The following PLCE1 variants were observed in gnomAD, a reference collection of about 807,000 sequenced individuals.
PLCE1 encodes phospholipase C epsilon 1.
A neutral mutation model predicts 242.8 loss-of-function variants in PLCE1; 119 were observed. The ratio of observed to expected loss-of-function variants is 0.49; its 90% confidence interval spans 0.42 to 0.57. The LOEUF (loss-of-function observed/expected upper bound fraction) is 0.57, where lower values mean the gene tolerates loss of function less well. Ranked by LOEUF, PLCE1 falls within the 20% of genes least tolerant of loss-of-function variation. The probability of loss-of-function intolerance (pLI) is 0.00; values close to 1 mark genes in which losing one functional copy is unlikely to be tolerated. For synonymous variants in PLCE1, 945 were observed against 1,017.4 expected, an observed-to-expected ratio of 0.93 and a Z score of 1.35; for missense variants, 2,441 against 2,788.8, an observed-to-expected ratio of 0.88 and a Z score of 2.81.
chr10:94,268,936 T>A lies in PLCE1; in HGVS notation c.4289T>A (p.Leu1430Ter), dbSNP rs760903665. 1 of 1,608,034 alleles carries A rather than the reference T, an allele frequency of 6.2e-7. No homozygotes were observed. The highest frequency in any genetic ancestry group is 8.5e-7 in the Non-Finnish European group (1 of 1,174,668). ...SSVELYSQVL[L>*]QGCRSVELDC... ...CGCTCATTGATCACACAGGTCCTTTTGCAAGGCTGTCGAAGTGTAGAATTG... is the reference window on the plus strand; with the variant it reads ...CGCTCATTGATCACACAGGTCCTTTAGCAAGGCTGTCGAAGTGTAGAATTG... The change falls in exon 17 of 33, where the codon TTG (leucine) becomes TAG (stop). Residue 1430 changes from leucine to a stop codon, truncating the protein, a stop_gained. Transcript: ENST00000371380. LOFTEE classifies it high-confidence loss of function.
chr10:94,054,306 C>T (rs958981988), intron 2 of PLCE1, among the ~76,000 whole-genome samples: 17 of 152,180 alleles, frequency 1.1e-4, no homozygotes, highest in African/African-American at 3.9e-4. Context: ...ACCATATTTC[C>T]AGACTCCCTT....
At chr10:94,133,742 G>A (rs1234951675) in intron 3 of PLCE1, among the ~76,000 whole-genome samples, 1 of 152,138 alleles carries the variant, frequency 6.6e-6, no homozygotes, top group Non-Finnish European at 1.5e-5. Context: ...AATAACAGAA[G>A]GTGTGGGAAC....
At position 94,259,095 on chromosome 10, in the gene PLCE1, A is replaced by G. The variant is rs1382385987; in HGVS notation, c.3759A>G (p.Pro1253=). ...PCNRSGSESA[P]LYTNLTIDEN... is the part of the protein sequence containing the mutation. Reference sequence around the variant, plus strand: ...ACCGATCTGGCTCCGAGTCAGCCCCACTCTACACCAACCTGACAATTGATG... The same window carrying G: ...ACCGATCTGGCTCCGAGTCAGCCCCGCTCTACACCAACCTGACAATTGATG... Residue 1253 remains proline, a synonymous_variant, in exon 13 of 33, where the codon CCA becomes CCG. Transcript: ENST00000371380. The G allele has an allele frequency of 1.2e-6, 2 of 1,613,698 alleles. No homozygotes were observed. Among genetic ancestry groups the G allele is most frequent in the South Asian group, 1.1e-5 (1 of 91,044 alleles).
intron 29 of PLCE1, among the ~76,000 whole-genome samples, chr10:94,319,552 G>C (rs963326791): frequency 6.6e-6 from 1 of 152,064 alleles, no homozygotes; most frequent in Non-Finnish European, 1.5e-5. Flanking sequence ...ACATCTTCCT[G>C]TGGTCAATGT....
At chr10:94,308,247 A>T (rs553164069) in intron 26 of PLCE1, among the ~76,000 whole-genome samples, 1 of 152,360 alleles carries the variant, frequency 6.6e-6, no homozygotes, top group African/African-American at 2.4e-5. Context: ...AAGCTGCTCT[A>T]AGATGGAACA....
chr10:94,189,025 T>C (rs1281896197), intron 4 of PLCE1, among the ~76,000 whole-genome samples: 1 of 150,570 alleles, frequency 6.6e-6, no homozygotes, highest in East Asian at 1.9e-4. Context: ...AAAAAAAAAT[T>C]TGTGGTCCAG....
intron 5 of PLCE1, among the ~76,000 whole-genome samples, chr10:94,233,508 C>T (rs1446418732): frequency 1.3e-5 from 2 of 152,206 alleles, no homozygotes; most frequent in Non-Finnish European, 2.9e-5. Context: ...ACATTCAGTG[C>T]CCAGCTTCCA....
intron 1 of PLCE1, among the ~76,000 whole-genome samples, chr10:94,028,390 A>G (rs1184152576): frequency 6.6e-6 from 1 of 152,130 alleles, no homozygotes; most frequent in Non-Finnish European, 1.5e-5. Context: ...TTCTTACAAT[A>G]TGGCAGCAGA....
chr10:94,258,705 C>T (rs574954038), intron 11 of PLCE1, 95 bp from the exon 12 acceptor site: 1 of 1,460,106 alleles, frequency 6.8e-7, no homozygotes, highest in African/African-American at 1.4e-5. Context: ...TGCACTCATC[C>T]TTTTGCTCAT....
At chr10:94,152,881 T>C (rs2047316951) in intron 3 of PLCE1, among the ~76,000 whole-genome samples, 1 of 152,172 alleles carries the variant, frequency 6.6e-6, no homozygotes, top group African/African-American at 2.4e-5. Context: ...ATTTCTGCAA[T>C]AGTATGTTCA....
At chr10:94,244,479 G>A (rs912593490) in intron 7 of PLCE1, among the ~76,000 whole-genome samples, 2 of 152,192 alleles carry the variant, frequency 1.3e-5, no homozygotes, top group African/African-American at 4.8e-5. Flanking sequence ...TAAGAAAGAA[G>A]CAATCGCTTG....
intron 2 of PLCE1, among the ~76,000 whole-genome samples, chr10:94,045,317 G>A (rs1264787811): frequency 6.6e-6 from 1 of 151,936 alleles, no homozygotes; most frequent in Non-Finnish European, 1.5e-5. Context: ...TATATTTTTT[G>A]TAGAGGTAGG....
Position 94,141,673 on chromosome 10 carries a change from GAAAGAAA to G in PLCE1, c.1492+9215_1492+9221del, listed in dbSNP as rs1224946384. Among the ~76,000 whole-genome samples the G allele has an allele frequency of 1.1e-3, 46 of 43,340 alleles. 8 individuals carry two copies. Among genetic ancestry groups the G allele is most frequent in the Admixed American group, 4.0e-3 (21 of 5,246 alleles). The allele number at this position is 43,340 out of a possible 152,430, so 28.4% of individuals were successfully genotyped here. On this transcript the variant is annotated intron_variant, in intron 3 of 32. Transcript: ENST00000371380. The stretch of plus-strand genomic sequence containing the variant: ...GGAAAGAAGAAAGGGAGGGAGGGAG[GAAAGAAA>G]GAAGGAAGGGAGGGAGAGAAGGAAG...
chr10:94,325,138 GCTTAA>G lies in PLCE1; in HGVS notation c.*24+40_*24+44del, dbSNP rs1396479402. On this transcript the variant is annotated intron_variant, in intron 32 of 32. Coordinates refer to ENST00000371380, the MANE Select transcript of PLCE1 (RefSeq NM_016341.4). ...AGTCATTGCACCATCCTGGAACAGGGCTTAACTTAAACTACTTTGTAAGGAAGGCA... is the reference window on the plus strand; with the variant it reads ...AGTCATTGCACCATCCTGGAACAGGGCTTAAACTACTTTGTAAGGAAGGCA... The G allele has an allele frequency of 9.6e-6, 14 of 1,454,880 alleles. No homozygotes were observed. In the East Asian group the frequency reaches 1.4e-4, roughly 14 times the overall value. The allele number at this position is 1,454,880 out of a possible 1,614,324, so 90.1% of individuals were successfully genotyped here.
rs535674055 is a variant in PLCE1, at chr10:94,297,289, A to G, written c.5168-1090A>G. Among the ~76,000 whole-genome samples, 5 of 152,236 alleles carry G rather than the reference A, an allele frequency of 3.3e-5. No individual in the cohort carries two copies. In the South Asian group the frequency reaches 8.3e-4, roughly 25 times the overall value. On this transcript the variant is annotated intron_variant, in intron 23 of 32. Transcript: ENST00000371380. ...GTTGTGTCTCAGGGAATCGTGAGGCACAAGGAGAGGGAGGGAGATGGGTGA... is the reference window on the plus strand; with the variant it reads ...GTTGTGTCTCAGGGAATCGTGAGGCGCAAGGAGAGGGAGGGAGATGGGTGA...
chr10:94,179,023 C>T (rs2048213377), intron 4 of PLCE1, among the ~76,000 whole-genome samples: 1 of 152,116 alleles, frequency 6.6e-6, no homozygotes, highest in Non-Finnish European at 1.5e-5. Flanking sequence ...GATAAAAACC[C>T]CCTCAGGGTA....
intron 4 of PLCE1, among the ~76,000 whole-genome samples, chr10:94,222,124 G>A (rs1354998302): frequency 6.6e-6 from 1 of 152,158 alleles, no homozygotes; most frequent in African/African-American, 2.4e-5. Flanking sequence ...AGGTCTAAGG[G>A]TCTGCTGGGG....
intron 4 of PLCE1, among the ~76,000 whole-genome samples, chr10:94,194,698 A>G (rs1361172174): frequency 1.3e-5 from 2 of 152,202 alleles, no homozygotes; most frequent in Admixed American, 1.3e-4. Flanking sequence ...CTTCATCTGT[A>G]AAGTGGTGCT....
intron 7 of PLCE1, among the ~76,000 whole-genome samples, chr10:94,242,811 G>T (rs2050554339): frequency 6.6e-6 from 1 of 151,274 alleles, no homozygotes; most frequent in Non-Finnish European, 1.5e-5. Context: ...AATAGCCACA[G>T]CAACAAAATA....
Sources: allele counts gnomAD v4.1 joint callset (sites outside exome capture counted in the v4.1 genomes callset), GRCh38; gene constraint gnomAD v4.1.1; transcripts MANE v1.5; gene names NCBI Gene and HGNC (gene_info 2026-07-23, HGNC 2026-07-21).